The following ASH1L variants were observed in gnomAD, a reference collection of about 807,000 sequenced individuals.
The protein encoded by ASH1L is ASH1 like histone lysine methyltransferase, also known as histone-lysine N-methyltransferase ASH1L.
A neutral mutation model predicts 269.0 loss-of-function variants in ASH1L; 23 were observed. The observed-to-expected ratio is 0.09, with a 90% CI of 0.06 to 0.12. The LOEUF is 0.12. ASH1L is among the 10% of genes least tolerant of loss of function. ASH1L has a pLI of 1.00. For synonymous variants in ASH1L, 1,187 were observed against 1,253.5 expected (o/e 0.95, Z 1.12); for missense variants, 2,912 against 3,567.8 (o/e 0.82, Z 4.68).
intron 12 of ASH1L, among the ~76,000 whole-genome samples, chr1:155,364,103 G>A (rs954080861): frequency 6.6e-6 from 1 of 152,094 alleles, no homozygotes; most frequent in Non-Finnish European, 1.5e-5. Flanking sequence ...AGACCAGCCT[G>A]GGCAACATGG....
In ASH1L at chr1:155,521,314, G is replaced by T. The variant is rs1668870901; in HGVS notation, c.206C>A (p.Ala69Glu). The T allele has an allele frequency of 1.2e-6, 2 of 1,613,930 alleles. No individual in the cohort carries two copies. The highest frequency in any genetic ancestry group is 4.5e-5 in the East Asian group (2 of 44,880). The change falls in exon 2 of 28, where the codon GCA becomes GAA. Residue 69 changes from alanine (A) to glutamate (E), a missense_variant. Transcript: ENST00000392403. ...EAGKDDGLTDAQQQFSVKETN... is the reference protein window; with the variant it reads ...EAGKDDGLTDEQQQFSVKETN... Reference sequence around the variant, plus strand: ...TTCTTTCACTGAAAACTGTTGCTGTGCATCAGTCAAACCATCATCTTTCCC... The same window carrying T: ...TTCTTTCACTGAAAACTGTTGCTGTTCATCAGTCAAACCATCATCTTTCCC...
rs1465812386 is a variant in ASH1L at position 155,512,970 on chromosome 1, T to C, written c.420+8130A>G. The stretch of plus-strand genomic sequence containing the variant: ...TTCTTGGGAGGCTGAGGCGGTAGGA[T>C]TGCTTGAGCCCAGGAGGTCAAGGTC... On this transcript the variant is annotated intron_variant, in intron 2 of 27. Transcript: ENST00000392403. Among the ~76,000 whole-genome samples the C allele has an allele frequency of 2.6e-5, 4 of 151,676 alleles. No individual in the cohort carries two copies. The South Asian group carries it at 6.2e-4, about 24-fold the overall frequency.
rs1652278058 is a variant in ASH1L at position 155,335,953 on chromosome 1, T to G, written c.*1707A>C. The G allele has an allele frequency of 1.3e-5, 2 of 149,664 alleles. No homozygotes were observed. The highest frequency in any genetic ancestry group is 3.0e-5 in the Non-Finnish European group (2 of 67,290). 9.3% of individuals were successfully genotyped at this position (149,664 alleles called of 1,614,324 possible). A position where few individuals can be genotyped will look rare whatever the true frequency, so the allele number is the denominator to read the frequency against. ...GAAACCACTCAAACGGGCTTGGACA[T>G]GCGATTTTTCCAGCTCCACATGTGA... On this transcript the variant is annotated 3_prime_UTR_variant, in exon 28 of 28. Transcript: ENST00000392403.
At chr1:155,561,987 T>C in intron 1 of ASH1L, 166 bp downstream of exon 1, 1 of 570,132 alleles carries the variant, frequency 1.8e-6, no homozygotes, top group South Asian at 2.3e-5. Context: ...TGGAGGGACT[T>C]CCCGGTAGGC....
chr1:155,505,987 C>G (rs902445588), intron 2 of ASH1L, among the ~76,000 whole-genome samples: 6 of 152,080 alleles, frequency 3.9e-5, no homozygotes, highest in Non-Finnish European at 7.4e-5. Context: ...ATCCCTCCCC[C>G]CTGCCCCCAC....
Position 155,481,991 on chromosome 1 carries a change from A to C in ASH1L, c.879T>G (p.Phe293Leu). The change falls in exon 3 of 28, where the codon TTT becomes TTG. Residue 293 changes from phenylalanine to leucine, a missense_variant. Around this residue, in one of 13 missense-constraint regions of ASH1L, gnomAD observed 277 missense variants for 367.7 expected, o/e 0.75. Coordinates refer to ENST00000392403, the MANE Select transcript of ASH1L (RefSeq NM_018489.3). Reference sequence around the variant, plus strand: ...TATTGACCAATCCTACTGCTGCATTAAACACTGGCTTTTTCCCAGGATCTT... The same window carrying C: ...TATTGACCAATCCTACTGCTGCATTCAACACTGGCTTTTTCCCAGGATCTT... Reference protein sequence around the residue: ...VTKDPGKKPVFNAAVGLVNKD... With the variant: ...VTKDPGKKPVLNAAVGLVNKD... 1 of 1,614,172 alleles carries C rather than the reference A, an allele frequency of 6.2e-7. No homozygotes were observed. Among genetic ancestry groups the C allele is most frequent in the Non-Finnish European group, 8.5e-7 (1 of 1,180,034 alleles).
Position 155,344,278 on chromosome 1 carries a change from TAGG to T in ASH1L, c.7891-8_7891-6del. The T allele has an allele frequency of 6.2e-7, 1 of 1,612,538 alleles. No individual in the cohort carries two copies. The highest frequency in any genetic ancestry group is 8.5e-7 in the Non-Finnish European group (1 of 1,178,594). The stretch of plus-strand genomic sequence containing the variant: ...CCGAGGGATCATGGGAACCTCCTGA[TAGG>T]AGCAGAAAGCCAATGTATAAGGGCT... On this transcript the variant is annotated splice_region_variant and splice_polypyrimidine_tract_variant and intron_variant, in intron 21 of 27. Transcript: ENST00000392403.
At position 155,479,957 on chromosome 1, in the gene ASH1L, G is replaced by T; in HGVS notation, c.2913C>A (p.Thr971=). The T allele has an allele frequency of 2.5e-6, 4 of 1,613,286 alleles. No individual in the cohort carries two copies. The South Asian group carries it at 4.4e-5, about 18-fold the overall frequency. The change falls in exon 3 of 28, where the codon ACC becomes ACA. Residue 971 remains threonine (T), a synonymous_variant. Transcript: ENST00000392403. ...DLEMEPDKKI[T]KRNNGQLMKT... ...TCATTAATTGTCCATTGTTTCTCTT[G>T]GTAATTTTTTTATCTGGTTCCATCT...
intron 2 of ASH1L, among the ~76,000 whole-genome samples, chr1:155,505,317 C>A (rs1667740996): frequency 6.6e-6 from 1 of 152,192 alleles, no homozygotes; most frequent in South Asian, 2.1e-4. Context: ...CCCTTCTTTG[C>A]ATATTCTCTT....
intron 5 of ASH1L, chr1:155,434,222 T>G: frequency 6.3e-7 from 1 of 1,599,796 alleles, no homozygotes; most frequent in African/African-American, 1.3e-5. Context: ...CTTTCCCCCG[T>G]CTCCGTCACC....
chr1:155,414,341 G>A (rs1430671131), intron 6 of ASH1L, among the ~76,000 whole-genome samples: 1 of 151,258 alleles, frequency 6.6e-6, no homozygotes, highest in African/African-American at 2.4e-5. Context: ...ATGGAGTTTC[G>A]CTCTTGCTGC....
intron 1 of ASH1L, among the ~76,000 whole-genome samples, chr1:155,552,167 A>G (rs979899629): frequency 9.2e-5 from 14 of 151,934 alleles, no homozygotes; most frequent in African/African-American, 3.4e-4. Flanking sequence ...CATAGTAAGC[A>G]CTAAATAAAT....
chr1:155,345,827 C>CT, intron 21 of ASH1L: 1 of 174,472 alleles, frequency 5.7e-6, no homozygotes, highest in Non-Finnish European at 1.2e-5. Context: ...CTGCACCCGG[C>CT]CTTTTTTTTT....
At position 155,430,609 on chromosome 1, in the gene ASH1L, C is replaced by T. The variant is rs181049680; in HGVS notation, c.5828+7718G>A. ...TTTTAAATCCCTATTTATTCCCTTT[C>T]TCATTCCTATTGATCGGCTTTACCA... On this transcript the variant is annotated intron_variant, in intron 5 of 27. Transcript: ENST00000392403. Among the ~76,000 whole-genome samples the T allele has an allele frequency of 3.3e-3, 502 of 152,200 alleles. 3 individuals are homozygous for T. Among genetic ancestry groups the T allele is most frequent in the African/African-American group, 0.012 (485 of 41,534 alleles).
intron 5 of ASH1L, among the ~76,000 whole-genome samples, chr1:155,423,925 C>T (rs1448588893): frequency 6.6e-6 from 1 of 152,106 alleles, no homozygotes; most frequent in Non-Finnish European, 1.5e-5. Context: ...CAGGGTTTCA[C>T]CATGTCGGCC....
intron 3 of ASH1L, among the ~76,000 whole-genome samples, chr1:155,461,138 T>C (rs539334129): frequency 6.6e-6 from 1 of 152,336 alleles, no homozygotes; most frequent in South Asian, 2.1e-4. Context: ...TTTCAAGATC[T>C]GCCTCTAAAT....
At chr1:155,554,227 G>T (rs1368648790) in intron 1 of ASH1L, among the ~76,000 whole-genome samples, 1 of 151,894 alleles carries the variant, frequency 6.6e-6, no homozygotes, top group Admixed American at 6.6e-5. Context: ...TGGGACCACA[G>T]GTGGATGCCA....
At chr1:155,429,934 T>C (rs1474735467) in intron 5 of ASH1L, among the ~76,000 whole-genome samples, 1 of 151,966 alleles carries the variant, frequency 6.6e-6, no homozygotes, top group Non-Finnish European at 1.5e-5. Context: ...GCCTCCCTAG[T>C]AGCTGGGACT....
intron 2 of ASH1L, among the ~76,000 whole-genome samples, chr1:155,499,957 A>G (rs1310129387): frequency 6.6e-6 from 1 of 152,238 alleles, no homozygotes; most frequent in East Asian, 1.9e-4. Flanking sequence ...CCTAGCTATG[A>G]AAGTGAACTC....
Sources: allele counts gnomAD v4.1 joint callset (sites outside exome capture counted in the v4.1 genomes callset), GRCh38; gene constraint gnomAD v4.1.1; regional missense constraint gnomAD v4.1.1; transcripts MANE v1.5; gene names NCBI Gene and HGNC (gene_info 2026-07-23, HGNC 2026-07-21).